FASN: variants seen among roughly 807,000 people sequenced by gnomAD.
FASN encodes the protein 3-hydroxyacyl-[acyl-carrier-protein] dehydratase.
Under a neutral mutation model 250.0 loss-of-function variants are expected in FASN, and 50 were observed. That is an observed-to-expected ratio of 0.20 (90% CI 0.16 to 0.25). The LOEUF (loss-of-function observed/expected upper bound fraction) is 0.25. Among genes scored for constraint, FASN ranks in the 10% least tolerant of loss-of-function variants. The pLI, the probability that FASN is intolerant of heterozygous loss-of-function variation, is 1.00. For missense variants in FASN, 3,031 were observed against 3,498.5 expected (o/e 0.87, Z 3.37); for synonymous variants, 1,909 against 1,584.0 (o/e 1.21, Z -4.87).
At position 82,093,591 on chromosome 17, in the gene FASN, G is replaced by A. The variant is rs1367632859; in HGVS notation, c.454+7C>T. On this transcript the variant is annotated splice_region_variant and intron_variant, in intron 4 of 42. Coordinates refer to ENST00000306749, the MANE Select transcript of FASN (RefSeq NM_004104.5). Reference sequence around the variant, plus strand: ...CCCACCTCCGCAGGAGGCTGGGCAGGACCCACCTCTGAAGTCGAAGAAGAA... The same window carrying A: ...CCCACCTCCGCAGGAGGCTGGGCAGAACCCACCTCTGAAGTCGAAGAAGAA... 2 of 1,612,746 alleles carry A rather than the reference G, an allele frequency of 1.2e-6. No individual in the cohort carries two copies. The highest frequency in any genetic ancestry group is 1.7e-6 in the Non-Finnish European group (2 of 1,179,982).
intron 21 of FASN, 99 bp from the exon 22 acceptor site, chr17:82,086,657 C>T: frequency 1.1e-6 from 1 of 884,638 alleles, no homozygotes; most frequent in Non-Finnish European, 1.8e-6. Context: ...GGCCACCACC[C>T]CGCTCTGCCC....
At chr17:82,086,202 G>A (rs17848937) in intron 22 of FASN, 52 bp downstream of exon 22, 287,793 of 1,534,886 alleles carry the variant, frequency 0.19, 29,359 homozygotes, top group Non-Finnish European at 0.21. Flanking sequence ...TGATGTCAGG[G>A]TGGGTCCTAC....
At position 82,085,308 on chromosome 17, in the gene FASN, G is replaced by T. The variant is rs771947567; in HGVS notation, c.4217C>A (p.Pro1406His). ...YGSTLFLCRRPTPQDSPIFLP... is the reference protein window; with the variant it reads ...YGSTLFLCRRHTPQDSPIFLP... ...GAAGATGGGGCTGTCCTGCGGGGTG[G>T]GCCGGCGGCACAGGAAGAGCGTGGA... is the stretch of plus-strand genomic sequence containing the variant. Residue 1406 changes from proline (P) to histidine (H), a missense_variant, in exon 24 of 43, where the codon CCC becomes CAC. Coordinates refer to ENST00000306749, the MANE Select transcript of FASN (RefSeq NM_004104.5). 2 of 1,611,272 alleles carry T rather than the reference G, an allele frequency of 1.2e-6. No homozygotes were observed. Among genetic ancestry groups the T allele is most frequent in the South Asian group, 2.2e-5 (2 of 90,986 alleles).
chr17:82,080,375 T>C lies in FASN; in HGVS notation c.7042A>G (p.Thr2348Ala). The change falls in exon 40 of 43, where the codon ACC becomes GCC. Residue 2348 changes from threonine to alanine, a missense_variant. Transcript: ENST00000306749. Reference protein sequence around the residue: ...DGSPTYVLAYTQSYRAKLTPG... With the variant: ...DGSPTYVLAYAQSYRAKLTPG... ...AGGACCAGCCTGGCTCTCACCTGGG[T>C]GTAGGCCAGTACGTAGGTGGGCGAG... 6.2e-7 allele frequency: 1 copy of C among 1,603,652 alleles called. No individual in the cohort carries two copies. The highest frequency in any genetic ancestry group is 8.5e-7 in the Non-Finnish European group (1 of 1,175,760).
Position 82,087,153 on chromosome 17 carries a change from C to T in FASN, c.3324G>A (p.Glu1108=). The T allele has an allele frequency of 1.2e-6, 2 of 1,610,936 alleles. No individual in the cohort carries two copies. The change falls in exon 21 of 43, where the codon GAG becomes GAA. Residue 1108 remains glutamate, a synonymous_variant. Coordinates refer to ENST00000306749, the MANE Select transcript of FASN (RefSeq NM_004104.5). The stretch of plus-strand genomic sequence containing the variant: ...ACTTCTCCAGGATGGGCACCTGCTG[C>T]TCCTGCTGCCGCCGCGGGGCCGACT... The part of the protein sequence containing the change: ...HTESAPRRQQ[E]QQVPILEKFC...
intron 16 of FASN, 24 bp downstream of exon 16, chr17:82,088,366 C>T (rs760533311): frequency 6.2e-7 from 1 of 1,611,158 alleles, no homozygotes; most frequent in Admixed American, 1.7e-5. Context: ...GAAGAGTCTG[C>T]CCACCCGCCG....
intron 11 of FASN, 60 bp from the exon 12 acceptor site, chr17:82,089,786 C>T (rs1014065387): frequency 1.6e-5 from 23 of 1,405,804 alleles, no homozygotes; most frequent in Admixed American, 3.9e-5. Context: ...CAGCCACCCA[C>T]CCACCCAGAC....
chr17:82,083,954 G>C (rs1389946781), intron 29 of FASN, 21 bp downstream of exon 29: 1 of 1,544,184 alleles, frequency 6.5e-7, no homozygotes, highest in East Asian at 2.4e-5. Context: ...GCAGCGGGAG[G>C]CACCGGGGGC....
At chr17:82,091,100 C>A (rs1467486032) in intron 9 of FASN, 31 bp from the exon 10 acceptor site, 2 of 1,607,552 alleles carry the variant, frequency 1.2e-6, no homozygotes, top group Non-Finnish European at 1.7e-6. Flanking sequence ...CGAGGCTCAG[C>A]CCCATCCCGT....
chr17:82,082,881 C>T (rs1302812857), intron 33 of FASN, 33 bp downstream of exon 33: 1 of 1,610,666 alleles, frequency 6.2e-7, no homozygotes, highest in Non-Finnish European at 8.5e-7. Context: ...GTGCCTGGCC[C>T]AGGCTGGTCC....
At position 82,084,808 on chromosome 17, in the gene FASN, G is replaced by A. The variant is rs2144788668; in HGVS notation, c.4555C>T (p.Leu1519=). The A allele has an allele frequency of 1.7e-5, 26 of 1,550,240 alleles. No individual in the cohort carries two copies. The highest frequency in any genetic ancestry group is 2.3e-5 in the Non-Finnish European group (26 of 1,146,974). ...GAWGAFRHFL[L]EEDKPEEPTA... ...AGTGTCGGGGGCTCACCCTCCTCCA[G>A]CAGGAAGTGGCGGAAAGCCCCCCAG... The change falls in exon 26 of 43, where the codon CTG becomes TTG. Residue 1519 remains leucine, a synonymous_variant. Coordinates refer to ENST00000306749, the MANE Select transcript of FASN (RefSeq NM_004104.5).
chr17:82,097,927 C>A (rs2034331971), intron 1 of FASN, among the ~76,000 whole-genome samples, 194 bp downstream of exon 1: 3 of 152,210 alleles, frequency 2.0e-5, no homozygotes, highest in East Asian at 3.9e-4. Flanking sequence ...CGCCCACCTA[C>A]TCCGCGGGGC....
In FASN at chr17:82,088,892, C is replaced by T; in HGVS notation, c.2305-16G>A. 2 of 1,611,240 alleles carry T rather than the reference C, an allele frequency of 1.2e-6. No individual in the cohort carries two copies. The highest frequency in any genetic ancestry group is 3.3e-4 in the Middle Eastern group (2 of 6,044). ...TCAGGACAGCCTGGGGGCGGCAGGG[C>T]AGGTGGGCTCTCTTGGTGCTCAGCT... On this transcript the variant is annotated splice_polypyrimidine_tract_variant and intron_variant, in intron 14 of 42. Coordinates refer to ENST00000306749, the MANE Select transcript of FASN (RefSeq NM_004104.5).
At chr17:82,087,570 C>T in intron 19 of FASN, 66 bp from the exon 20 acceptor site, 2 of 1,603,112 alleles carry the variant, frequency 1.2e-6, no homozygotes, top group East Asian at 2.2e-5. Flanking sequence ...CCAGAGCCCA[C>T]CGGGCCCCTC....
Position 82,093,250 on chromosome 17 carries a change from G to A in FASN, c.624C>T (p.Pro208=), listed in dbSNP as rs45624241. 1.1e-3 allele frequency: 1,714 copies of A among 1,591,542 alleles called. 25 individuals carry two copies. The African/African-American group carries it at 0.021, about 19-fold the overall frequency. Reference sequence around the variant, plus strand: ...TGTCGAAGGCCTTGCAGGTGCCCTCGGGGCTGAGCATCCCCAGCCTCAAGA... The same window carrying A: ...TGTCGAAGGCCTTGCAGGTGCCCTCAGGGCTGAGCATCCCCAGCCTCAAGA... ...VQFLRLGMLS[P]EGTCKAFDTA... Residue 208 remains proline (P), a synonymous_variant, in exon 5 of 43, where the codon CCC becomes CCT. Transcript: ENST00000306749.
chr17:82,078,992 A>G lies in FASN; in HGVS notation c.*151T>C. On this transcript the variant is annotated 3_prime_UTR_variant, in exon 43 of 43. Transcript: ENST00000306749. The surrounding 1 kb of genome is among the most constrained non-coding windows in gnomAD (Gnocchi z 5.4). ...GGCGGCGGGTGGGTGGGACATGCCT[A>G]ACACCTACATCTAGCAGCCTCGGGG... 1 of 947,636 alleles carries G rather than the reference A, an allele frequency of 1.1e-6. No individual in the cohort carries two copies. The highest frequency in any genetic ancestry group is 1.6e-6 in the Non-Finnish European group (1 of 631,672). The allele number at this position is 947,636 out of a possible 1,614,324, so 58.7% of individuals were successfully genotyped here. A position where few individuals can be genotyped will look rare whatever the true frequency, so the allele number is the denominator to read the frequency against.
rs900084897 is a variant in FASN, at chr17:82,078,707, G to A, written c.*436C>T. On this transcript the variant is annotated 3_prime_UTR_variant, in exon 43 of 43. Transcript: ENST00000306749. The surrounding 1 kb of genome is among the most constrained non-coding windows in gnomAD (Gnocchi z 5.4). ...AGCCAGCAGGCTTGGGTGGCTGCCCGCGCCCGCAGGGGACATCGGGGAAAT... is the reference window on the plus strand; with the variant it reads ...AGCCAGCAGGCTTGGGTGGCTGCCCACGCCCGCAGGGGACATCGGGGAAAT... The A allele has an allele frequency of 9.3e-4, 227 of 245,182 alleles. No homozygotes were observed. Among genetic ancestry groups the A allele is most frequent in the Middle Eastern group, 1.6e-3 (1 of 638 alleles). The allele number at this position is 245,182 out of a possible 1,614,324, so 15.2% of individuals were successfully genotyped here.
rs1207174417 is a variant in FASN, at chr17:82,081,361, G to C, written c.6407-9C>G. ...AGCCAAGTCGCGGATGCCTGGAAGG[G>C]ATGCGCCGGGTCGGCAACTCCAGAG... On this transcript the variant is annotated splice_polypyrimidine_tract_variant and intron_variant, in intron 37 of 42. Transcript: ENST00000306749. 1 of 1,558,680 alleles carries C rather than the reference G, an allele frequency of 6.4e-7. No homozygotes were observed. Among genetic ancestry groups the C allele is most frequent in the Non-Finnish European group, 8.7e-7 (1 of 1,152,794 alleles).
intron 37 of FASN, 48 bp from the exon 38 acceptor site, chr17:82,081,400 G>A (rs745992448): frequency 6.4e-6 from 10 of 1,560,542 alleles, no homozygotes; most frequent in East Asian, 2.4e-5. Flanking sequence ...GCATGGGGAC[G>A]GCCTGTATGC....
Sources: allele counts gnomAD v4.1 joint callset (sites outside exome capture counted in the v4.1 genomes callset), GRCh38; gene constraint gnomAD v4.1.1; non-coding constraint Gnocchi (gnomAD v3.1); transcripts MANE v1.5; gene names NCBI Gene and HGNC (gene_info 2026-07-23, HGNC 2026-07-21).